The following MAGI1 variants were observed in gnomAD, a reference collection of about 807,000 sequenced individuals.
MAGI1 encodes membrane-associated guanylate kinase, WW and PDZ domain-containing protein 1.
Under a neutral mutation model 139.9 loss-of-function variants are expected in MAGI1, and 58 were observed. The ratio of observed to expected loss-of-function variants is 0.41; its 90% confidence interval spans 0.34 to 0.52. MAGI1 has a LOEUF of 0.52. MAGI1 is among the 20% of genes least tolerant of loss of function. The pLI, the probability that MAGI1 is intolerant of heterozygous loss-of-function variation, is 0.12. For synonymous variants in MAGI1, 812 were observed against 737.9 expected, an observed-to-expected ratio of 1.10 and a Z score of -1.63; for missense variants, 1,874 against 1,901.6, an observed-to-expected ratio of 0.99 and a Z score of 0.27.
At chr3:65,932,437 A>G (rs1342588574) in intron 1 of MAGI1, among the ~76,000 whole-genome samples, 4 of 152,202 alleles carry the variant, frequency 2.6e-5, no homozygotes, top group African/African-American at 7.2e-5. Flanking sequence ...GGTAACTTTG[A>G]GGTATGTGTC....
chr3:65,767,767 C>CA (rs2037609991), intron 1 of MAGI1, among the ~76,000 whole-genome samples: 1 of 152,068 alleles, frequency 6.6e-6, no homozygotes, highest in Non-Finnish European at 1.5e-5. Flanking sequence ...GGAGAAATGA[C>CA]AAAAAAGATG....
At chr3:65,684,111 C>T (rs1012382664) in intron 1 of MAGI1, among the ~76,000 whole-genome samples, 1 of 144,932 alleles carries the variant, frequency 6.9e-6, no homozygotes, top group African/African-American at 2.6e-5. Context: ...AAATCTGAGG[C>T]TACAGTGAGC....
intron 1 of MAGI1, among the ~76,000 whole-genome samples, chr3:65,692,887 T>C (rs774098539): frequency 3.9e-5 from 6 of 152,108 alleles, no homozygotes; most frequent in Non-Finnish European, 8.8e-5. Context: ...TCCTAGACCT[T>C]GGCCTTCCCA....
rs769516378 is a variant in MAGI1 at position 65,391,316 on chromosome 3, T to A, written c.2242A>T (p.Ser748Cys). The A allele has an allele frequency of 1.9e-6, 3 of 1,614,066 alleles. No individual in the cohort carries two copies. Among genetic ancestry groups the A allele is most frequent in the Non-Finnish European group, 2.5e-6 (3 of 1,180,048 alleles). ...RKDSQNSSQH[S>C]VSSHRSLHTA... ...TGCAGGCTTCGGTGGCTGGAAACAC[T>A]GTGCTGAGAACTATTCTGGCTGTCT... Residue 748 changes from serine to cysteine, a missense_variant, in exon 14 of 23, where the codon AGT (serine) becomes TGT (cysteine). Ser to Cys is a moderately radical substitution (Grantham distance 112). This residue lies in a region of MAGI1 where 482 missense variants were observed against 509.6 expected (regional missense o/e 0.95). Transcript: ENST00000402939.
intron 1 of MAGI1, among the ~76,000 whole-genome samples, chr3:65,891,898 A>G (rs564000968): frequency 0.019 from 532 of 27,542 alleles, 7 homozygotes; most frequent in East Asian, 0.11. Flanking sequence ...ATATATATAT[A>G]TATATATATA....
intron 1 of MAGI1, among the ~76,000 whole-genome samples, chr3:65,926,120 T>C (rs1467290741): frequency 1.3e-5 from 2 of 152,204 alleles, no homozygotes; most frequent in Non-Finnish European, 2.9e-5. Context: ...CAAATCAAAA[T>C]CATTTCTGTT....
At chr3:65,384,962 T>A (rs1196232497) in intron 14 of MAGI1, among the ~76,000 whole-genome samples, 1 of 152,146 alleles carries the variant, frequency 6.6e-6, no homozygotes, top group Non-Finnish European at 1.5e-5. Flanking sequence ...ATTACCAAAA[T>A]CAGCCAGGCC....
intron 1 of MAGI1, among the ~76,000 whole-genome samples, chr3:66,003,591 G>T (rs1333948590): frequency 6.7e-6 from 1 of 149,986 alleles, no homozygotes; most frequent in Non-Finnish European, 1.5e-5. Flanking sequence ...CTGAGTAGCT[G>T]GGATTACAGA....
intron 1 of MAGI1, among the ~76,000 whole-genome samples, chr3:65,908,884 G>C (rs1276275984): frequency 1.3e-5 from 2 of 152,178 alleles, no homozygotes; most frequent in African/African-American, 4.8e-5. Flanking sequence ...CAGTGGGGCA[G>C]ACACTCAGAA....
intron 1 of MAGI1, among the ~76,000 whole-genome samples, chr3:65,789,592 A>C (rs1194924872): frequency 1.3e-5 from 2 of 152,178 alleles, no homozygotes; most frequent in Non-Finnish European, 2.9e-5. Context: ...TGGCCAGTCT[A>C]AGGAAAATTC....
At chr3:65,622,120 A>G in intron 1 of MAGI1, 32 bp from the exon 2 acceptor site, 1 of 1,437,448 alleles carries the variant, frequency 7.0e-7, no homozygotes, top group Non-Finnish European at 9.8e-7. Flanking sequence ...GACATACCAC[A>G]TCAACACAGG....
chr3:65,557,891 T>A (rs1178647691), intron 2 of MAGI1, among the ~76,000 whole-genome samples: 3 of 152,152 alleles, frequency 2.0e-5, no homozygotes, highest in African/African-American at 7.2e-5. Flanking sequence ...CAATCAGTAA[T>A]TAATAGAAGA....
chr3:65,446,419 C>G (rs1427861156), intron 7 of MAGI1, among the ~76,000 whole-genome samples: 1 of 152,204 alleles, frequency 6.6e-6, no homozygotes, highest in Non-Finnish European at 1.5e-5. Flanking sequence ...CAAGAGAACT[C>G]ATGTTTAGAG....
chr3:65,993,801 G>A (rs2066299476), intron 1 of MAGI1, among the ~76,000 whole-genome samples: 2 of 152,048 alleles, frequency 1.3e-5, no homozygotes, highest in South Asian at 4.1e-4. Flanking sequence ...ACTTCTCCCA[G>A]GTAACACAAT....
intron 1 of MAGI1, 88 bp from the exon 2 acceptor site, chr3:65,622,176 C>T: frequency 1.1e-6 from 1 of 937,272 alleles, no homozygotes; most frequent in South Asian, 1.3e-5. Flanking sequence ...AAGAAAGCCA[C>T]AGGATGCAGT....
chr3:65,983,691 A>G (rs1240979337), intron 1 of MAGI1, among the ~76,000 whole-genome samples: 1 of 151,820 alleles, frequency 6.6e-6, no homozygotes, highest in South Asian at 2.1e-4. Flanking sequence ...TCACTTATTC[A>G]CTGATGCCCT....
chr3:65,849,822 C>G (rs1250150999), intron 1 of MAGI1, among the ~76,000 whole-genome samples: 1 of 152,086 alleles, frequency 6.6e-6, no homozygotes, highest in African/African-American at 2.4e-5. Flanking sequence ...TTTCTCCTTC[C>G]TTTTTCCAGG....
chr3:65,990,275 C>T (rs1482667889), intron 1 of MAGI1, among the ~76,000 whole-genome samples: 2 of 152,098 alleles, frequency 1.3e-5, no homozygotes, highest in East Asian at 3.9e-4. Flanking sequence ...GGCAGGTTCT[C>T]GGTCAGCATT....
intron 6 of MAGI1, 142 bp downstream of exon 6, chr3:65,453,116 A>C: frequency 1.4e-6 from 1 of 690,584 alleles, no homozygotes. Context: ...GCTTTTGTAA[A>C]CCACAGTCCA....
Sources: gnomAD v4.1 joint callset for allele counts (sites outside exome capture counted in the v4.1 genomes callset) on GRCh38, gnomAD v4.1.1 for gene constraint, gnomAD v4.1.1 regional missense constraint, MANE v1.5 for transcripts, NCBI Gene and HGNC (gene_info 2026-07-23, HGNC 2026-07-21) for gene names.